RBL2: variants seen among roughly 807,000 people sequenced by gnomAD.
RBL2 encodes RB transcriptional corepressor like 2, also known as retinoblastoma-like protein 2.
A neutral mutation model predicts 126.0 loss-of-function variants in RBL2; 56 were observed. The ratio of observed to expected loss-of-function variants is 0.44; its 90% CI spans 0.36 to 0.56. RBL2 has a LOEUF of 0.56. Among genes scored for constraint, RBL2 ranks in the 20% least tolerant of loss-of-function variants. The pLI is 0.00. For missense variants in RBL2, 1,229 were observed against 1,398.2 expected (o/e 0.88, Z 1.93); for synonymous variants, 454 against 478.5 (o/e 0.95, Z 0.67).
chr16:53,469,745 G>C (rs2058303031), intron 14 of RBL2, among the ~76,000 whole-genome samples, 171 bp from the exon 15 acceptor site: 1 of 152,218 alleles, frequency 6.6e-6, no homozygotes, highest in Non-Finnish European at 1.5e-5. Flanking sequence ...GAACACGAAT[G>C]AAAGTTCACT....
chr16:53,471,533 A>G (rs2058323688), intron 17 of RBL2, among the ~76,000 whole-genome samples: 1 of 151,660 alleles, frequency 6.6e-6, no homozygotes, highest in Non-Finnish European at 1.5e-5. Flanking sequence ...GCAGTGGTGC[A>G]TCTCAGCTCA....
At chr16:53,438,774 G>T (rs554858298) in intron 1 of RBL2, among the ~76,000 whole-genome samples, 4 of 149,098 alleles carry the variant, frequency 2.7e-5, no homozygotes, top group South Asian at 2.1e-4. Flanking sequence ...AACCTGGGAG[G>T]TGGAGGTTGC....
intron 2 of RBL2, among the ~76,000 whole-genome samples, chr16:53,439,954 C>CAAAAAAAAAAAAAAAAAAAAA (rs10591959): frequency 1.1e-5 from 1 of 91,966 alleles, no homozygotes; most frequent in African/African-American, 4.0e-5. Context: ...ACCTTGTCTC[C>CAAAAAAAAAAAAAAAAAAAAA]AAAAAAAAAA....
intron 17 of RBL2, among the ~76,000 whole-genome samples, chr16:53,471,408 C>G (rs138793991): frequency 1.3e-5 from 2 of 152,110 alleles, no homozygotes; most frequent in Non-Finnish European, 2.9e-5. Context: ...TTAACACTTA[C>G]TATCTTACTT....
chr16:53,481,103 G>A (rs550524993), intron 20 of RBL2: 2 of 202,276 alleles, frequency 9.9e-6, no homozygotes, highest in South Asian at 1.7e-4. Flanking sequence ...TGGTTGCAGT[G>A]ACCTGAGATT....
At position 53,465,596 on chromosome 16, in the gene RBL2, T is replaced by C. The variant is rs1371870128; in HGVS notation, c.1857T>C (p.Cys619=). Residue 619 remains cysteine, a synonymous_variant, in exon 13 of 22, where the codon TGT becomes TGC. Coordinates refer to ENST00000262133, the MANE Select transcript of RBL2 (RefSeq NM_005611.4). ...ACAATGAAAACAGAGTTCCTACATG[T>C]GAAGAGGTTTGTGAAAATAACATCT... is the stretch of plus-strand genomic sequence containing the variant. The part of the protein sequence containing the change: ...IRDNENRVPT[C]EEVMPPQNLE... 1 of 1,569,222 alleles carries C rather than the reference T, an allele frequency of 6.4e-7. No homozygotes were observed.
intron 8 of RBL2, 98 bp downstream of exon 8, chr16:53,454,940 A>C: frequency 9.2e-7 from 1 of 1,084,696 alleles, no homozygotes; most frequent in South Asian, 2.1e-5. Flanking sequence ...TTACTTGCCT[A>C]CAGTATGAAG....
At chr16:53,470,986 C>T in intron 17 of RBL2, 64 bp downstream of exon 17, 1 of 1,477,656 alleles carries the variant, frequency 6.8e-7, no homozygotes. Context: ...ATTTTTTAAC[C>T]ACTGTCTTGA....
At chr16:53,486,892 A>G (rs60420081) in intron 21 of RBL2, among the ~76,000 whole-genome samples, 47,449 of 152,094 alleles carry the variant, frequency 0.31, 7,900 homozygotes, top group Middle Eastern at 0.39. Context: ...ACAAAAATCA[A>G]ATGTATTTCT....
chr16:53,481,118 C>G lies in RBL2; in HGVS notation c.3084+349C>G, dbSNP rs561218675. ...TGGTTGCAGTGACCTGAGATTGTGC[C>G]ACTGCACTCCAGCTTGGGTGACAGA... On this transcript the variant is annotated intron_variant, in intron 20 of 21. Transcript: ENST00000262133. 12 of 191,460 alleles carry G rather than the reference C, an allele frequency of 6.3e-5. No individual in the cohort carries two copies. In the South Asian group the frequency reaches 1.2e-3, roughly 19 times the overall value. 11.9% of individuals were successfully genotyped at this position (191,460 alleles called of 1,614,324 possible). A position where few individuals can be genotyped will look rare whatever the true frequency, so the allele number is the denominator to read the frequency against.
intron 11 of RBL2, among the ~76,000 whole-genome samples, chr16:53,463,634 C>T (rs1319444839): frequency 5.1e-5 from 7 of 137,584 alleles, no homozygotes; most frequent in African/African-American, 1.7e-4. Flanking sequence ...AGTGGTGCAA[C>T]GTCGGCTTAC....
At position 53,462,607 on chromosome 16, in the gene RBL2, A is replaced by T; in HGVS notation, c.1512A>T (p.Glu504Asp). ...FAEMLYYKVL[E>D]SVIEQEQKRL... ...AGATGCTTTACTATAAAGTATTAGA[A>T]TCTGTTATTGAGCAGGAACAAAAAA... The change falls in exon 11 of 22, where the codon GAA becomes GAT. Residue 504 changes from glutamate (E) to aspartate (D), a missense_variant. Around this residue, in one of 2 missense-constraint regions of RBL2, gnomAD observed 1,070 missense variants for 1,274.3 expected, o/e 0.84. Transcript: ENST00000262133. 1 of 1,575,150 alleles carries T rather than the reference A, an allele frequency of 6.3e-7. No homozygotes were observed. The highest frequency in any genetic ancestry group is 8.6e-7 in the Non-Finnish European group (1 of 1,167,988).
At position 53,480,602 on chromosome 16, in the gene RBL2, A is replaced by G. The variant is rs758807354; in HGVS notation, c.2917A>G (p.Ser973Gly). ...RDSSPVMRSS[S>G]TLPVPQPSSA... ...CTCCAGTCCAGTTATGAGGTCAAGC[A>G]GCACCTTGCCAGTTCCACAGCCCAG... The change falls in exon 20 of 22, where the codon AGC becomes GGC. Residue 973 changes from serine (S) to glycine (G), a missense_variant. Physicochemically the swap from Ser to Gly is moderately conservative, Grantham distance 56. Around this residue, in one of 2 missense-constraint regions of RBL2, gnomAD observed 1,070 missense variants for 1,274.3 expected, o/e 0.84. Transcript: ENST00000262133. 5 of 1,613,934 alleles carry G rather than the reference A, an allele frequency of 3.1e-6. No individual in the cohort carries two copies. The highest frequency in any genetic ancestry group is 3.4e-6 in the Non-Finnish European group (4 of 1,179,986).
chr16:53,478,118 AGTTT>A (rs1960799310), intron 17 of RBL2, among the ~76,000 whole-genome samples: 1 of 152,168 alleles, frequency 6.6e-6, no homozygotes, highest in Non-Finnish European at 1.5e-5. Context: ...CTGGATTCTT[AGTTT>A]AATATTTTTT....
In RBL2 at chr16:53,470,492, G is replaced by T; in HGVS notation, c.2355G>T (p.Leu785=). Residue 785 remains leucine, a synonymous_variant, in exon 16 of 22, where the codon CTG becomes CTT. Coordinates refer to ENST00000262133, the MANE Select transcript of RBL2 (RefSeq NM_005611.4). ...GSIQPLSAQA[L]AGSLSSQQVT... is the part of the protein sequence containing the mutation. ...TCCAGCCCCTCAGTGCTCAGGCCCT[G>T]GCTGGAAGTCTGAGCTCTCAACAGG... The T allele has an allele frequency of 6.2e-7, 1 of 1,614,162 alleles. No homozygotes were observed.
At position 53,462,537 on chromosome 16, in the gene RBL2, T is replaced by G. The variant is rs759398664; in HGVS notation, c.1457-15T>G. The G allele has an allele frequency of 6.8e-7, 1 of 1,463,622 alleles. No individual in the cohort carries two copies. The highest frequency in any genetic ancestry group is 2.4e-5 in the Admixed American group (1 of 41,194). The allele number at this position is 1,463,622 out of a possible 1,614,324, so 90.7% of individuals were successfully genotyped here. The stretch of plus-strand genomic sequence containing the variant: ...TGCCATTTTTGTGGGGTTTTTTTTT[T>G]TATTATTTCTACAGAAATTGCCAGC... On this transcript the variant is annotated splice_polypyrimidine_tract_variant and intron_variant, in intron 10 of 21. Coordinates refer to ENST00000262133, the MANE Select transcript of RBL2 (RefSeq NM_005611.4).
At chr16:53,441,994 GTAT>G in intron 2 of RBL2, among the ~76,000 whole-genome samples, 1 of 152,080 alleles carries the variant, frequency 6.6e-6, no homozygotes. Flanking sequence ...CTAATTTTTT[GTAT>G]TTTTAGTAGA....
chr16:53,476,396 T>A (rs1489157559), intron 17 of RBL2, among the ~76,000 whole-genome samples: 5 of 152,258 alleles, frequency 3.3e-5, no homozygotes, highest in Admixed American at 2.0e-4. Context: ...AATTGTTTTA[T>A]AGCCTAGCAT....
intron 17 of RBL2, among the ~76,000 whole-genome samples, chr16:53,475,835 CTTTTTTT>C (rs10540773): frequency 3.1e-4 from 24 of 76,448 alleles, no homozygotes; most frequent in South Asian, 1.4e-3. Flanking sequence ...ATTTCAATAT[CTTTTTTT>C]TTTTTTTTTT....
Sources: allele counts gnomAD v4.1 joint callset (sites outside exome capture counted in the v4.1 genomes callset), GRCh38; gene constraint gnomAD v4.1.1; regional missense constraint gnomAD v4.1.1; transcripts MANE v1.5; gene names NCBI Gene and HGNC (gene_info 2026-07-23, HGNC 2026-07-21).